The following RALYL variants were observed in gnomAD, a reference collection of about 807,000 sequenced individuals.
The protein encoded by RALYL is RNA-binding Raly-like protein.
In RALYL, 29 loss-of-function variants were observed where a neutral mutation model predicts 35.1. That is an observed-to-expected ratio of 0.83 (90% CI 0.61 to 1.13). RALYL has a LOEUF of 1.13. Ranked by LOEUF, RALYL falls within the 50% of genes most tolerant of loss-of-function variation. The pLI is 0.00. For missense variants in RALYL, 359 were observed against 360.4 expected, an observed-to-expected ratio of 1.00 and a Z score of 0.03; for synonymous variants, 120 against 127.6, an observed-to-expected ratio of 0.94 and a Z score of 0.40.
chr8:84,550,704 A>G (rs2060659020), intron 2 of RALYL, among the ~76,000 whole-genome samples: 1 of 152,012 alleles, frequency 6.6e-6, no homozygotes, highest in South Asian at 2.1e-4. Context: ...ATTTCAGAGT[A>G]TAGCCATTAT....
intron 1 of RALYL, among the ~76,000 whole-genome samples, chr8:84,498,693 C>T (rs943783247): frequency 1.3e-5 from 2 of 152,112 alleles, no homozygotes; most frequent in African/African-American, 2.4e-5. Flanking sequence ...CATGAAACTG[C>T]CCTTTCCTAA....
intron 2 of RALYL, among the ~76,000 whole-genome samples, chr8:84,615,312 C>T (rs1263063554): frequency 6.7e-6 from 1 of 148,854 alleles, no homozygotes; most frequent in East Asian, 1.9e-4. Flanking sequence ...AAAGAGCCCC[C>T]TTTCCTGCTA....
chr8:84,662,690 A>G (rs1437444841), intron 2 of RALYL, among the ~76,000 whole-genome samples: 1 of 152,202 alleles, frequency 6.6e-6, no homozygotes, highest in East Asian at 1.9e-4. Context: ...AAATTAAAAA[A>G]TAACCTTTTT....
At chr8:84,272,181 CTCCCAGGT>C (rs1834433045) in intron 1 of RALYL, among the ~76,000 whole-genome samples, 1 of 152,104 alleles carries the variant, frequency 6.6e-6, no homozygotes, top group Non-Finnish European at 1.5e-5. Flanking sequence ...CAACCTCCAC[CTCCCAGGT>C]TCAAGCGATT....
At chr8:84,555,241 T>G (rs544082622) in intron 2 of RALYL, among the ~76,000 whole-genome samples, 1 of 152,288 alleles carries the variant, frequency 6.6e-6, no homozygotes, top group Admixed American at 6.5e-5. Context: ...ATCATGCCAC[T>G]GCACTCCAAC....
At chr8:84,778,301 C>A (rs10096096) in intron 3 of RALYL, among the ~76,000 whole-genome samples, 5,046 of 152,224 alleles carry the variant, frequency 0.033, 272 homozygotes, top group African/African-American at 0.12. Flanking sequence ...CATGAAATAT[C>A]CACTGAGGCA....
chr8:84,252,926 C>T (rs1431345772), intron 1 of RALYL, among the ~76,000 whole-genome samples: 1 of 152,038 alleles, frequency 6.6e-6, no homozygotes, highest in African/African-American at 2.4e-5. Flanking sequence ...TCATTTGCTT[C>T]CACATAGCTT....
At chr8:84,799,431 G>A (rs1822679604) in intron 3 of RALYL, among the ~76,000 whole-genome samples, 1 of 152,172 alleles carries the variant, frequency 6.6e-6, no homozygotes, top group Non-Finnish European at 1.5e-5. Context: ...TACTGAAGAA[G>A]GAAGGTCATT....
chr8:84,221,026 A>T (rs952185554), intron 1 of RALYL, among the ~76,000 whole-genome samples: 7 of 152,004 alleles, frequency 4.6e-5, no homozygotes, highest in African/African-American at 1.2e-4. Flanking sequence ...GTGAGGTAAG[A>T]TATAATTTTC....
intron 2 of RALYL, among the ~76,000 whole-genome samples, chr8:84,744,941 A>T (rs1808258798): frequency 6.6e-6 from 1 of 151,970 alleles, no homozygotes; most frequent in African/African-American, 2.4e-5. Context: ...ATAATTTATA[A>T]ATAGCATAAA....
At position 84,194,346 on chromosome 8, in the gene RALYL, AT is replaced by A. The variant is rs145173519; in HGVS notation, c.-24+9933del. On this transcript the variant is annotated intron_variant, in intron 1 of 8. Transcript: ENST00000521268. ...TTACAATCAACTAAGACCAAAACAG[AT>A]TTTTTTTTTTCATTTGTGACTTCTA... Among the ~76,000 whole-genome samples the A allele has an allele frequency of 3.7e-3, 549 of 149,898 alleles. 4 individuals are homozygous for A. Among genetic ancestry groups the A allele is most frequent in the African/African-American group, 0.01 (427 of 40,962 alleles).
At chr8:84,907,422 C>T (rs1450254863) in intron 8 of RALYL, among the ~76,000 whole-genome samples, 2 of 151,816 alleles carry the variant, frequency 1.3e-5, no homozygotes, top group African/African-American at 2.4e-5. Context: ...ATACTGTTTC[C>T]ATTTTCACTA....
At position 84,356,618 on chromosome 8, in the gene RALYL, T is replaced by C. The variant is rs935509002; in HGVS notation, c.-24+172194T>C. 1.9e-4 allele frequency among the ~76,000 whole-genome samples: 28 copies of C among 150,416 alleles called. 2 individuals are homozygous for C. Among genetic ancestry groups the C allele is most frequent in the African/African-American group, 6.7e-4 (27 of 40,510 alleles). On this transcript the variant is annotated intron_variant, in intron 1 of 8. Coordinates refer to ENST00000521268, the MANE Select transcript of RALYL (RefSeq NM_173848.7). Reference sequence around the variant, plus strand: ...ATTCATTTATAGGTCTACCCAGCCATGGCCTCTCTAAACTGCAAAGGATGT... The same window carrying C: ...ATTCATTTATAGGTCTACCCAGCCACGGCCTCTCTAAACTGCAAAGGATGT...
intron 1 of RALYL, among the ~76,000 whole-genome samples, chr8:84,301,840 T>G (rs1013252682): frequency 3.9e-5 from 6 of 152,114 alleles, no homozygotes; most frequent in Non-Finnish European, 7.4e-5. Flanking sequence ...TGTATAAAAA[T>G]TAAGTACTTA....
intron 1 of RALYL, among the ~76,000 whole-genome samples, chr8:84,194,627 A>T (rs531684309): frequency 1.3e-5 from 2 of 152,176 alleles, no homozygotes; most frequent in African/African-American, 4.8e-5. Flanking sequence ...ATACATTTTT[A>T]TTAACATCAG....
intron 1 of RALYL, among the ~76,000 whole-genome samples, chr8:84,272,904 C>T (rs947599796): frequency 6.6e-6 from 1 of 152,088 alleles, no homozygotes; most frequent in Non-Finnish European, 1.5e-5. Context: ...AACCATCCCC[C>T]TCAGAGAAAT....
chr8:84,577,074 A>C (rs1312311179), intron 2 of RALYL, among the ~76,000 whole-genome samples: 3 of 152,256 alleles, frequency 2.0e-5, no homozygotes, highest in Non-Finnish European at 4.4e-5. Flanking sequence ...CAACCACTTC[A>C]CACAGCTTTT....
rs968708361 is a variant in RALYL, at chr8:84,529,668, A to C, written c.256+91A>C. ...AAAACCCAACACCACTGTTGTTTCTACCTCTTCTTTAACCAATTAGAGTGA... is the reference window on the plus strand; with the variant it reads ...AAAACCCAACACCACTGTTGTTTCTCCCTCTTCTTTAACCAATTAGAGTGA... On this transcript the variant is annotated intron_variant, in intron 2 of 8. Coordinates refer to ENST00000521268, the MANE Select transcript of RALYL (RefSeq NM_173848.7). 6 of 1,142,582 alleles carry C rather than the reference A, an allele frequency of 5.3e-6. No homozygotes were observed. In the African/African-American group the frequency reaches 7.7e-5, roughly 15 times the overall value. The allele number at this position is 1,142,582 out of a possible 1,614,324, so 70.8% of individuals were successfully genotyped here. A position where few individuals can be genotyped will look rare whatever the true frequency, so the allele number is the denominator to read the frequency against.
chr8:84,680,102 T>A (rs1835088005), intron 2 of RALYL, among the ~76,000 whole-genome samples: 1 of 152,106 alleles, frequency 6.6e-6, no homozygotes, highest in South Asian at 2.1e-4. Flanking sequence ...CATGCGGTGT[T>A]TGGTTTTTTG....
Sources: gnomAD v4.1 joint callset for allele counts (sites outside exome capture counted in the v4.1 genomes callset) on GRCh38, gnomAD v4.1.1 for gene constraint, MANE v1.5 for transcripts, NCBI Gene and HGNC (gene_info 2026-07-23, HGNC 2026-07-21) for gene names.